NTRK2: variants seen among roughly 807,000 people sequenced by gnomAD.
NTRK2 encodes BDNF/NT-3 growth factors receptor.
NTRK2 carries 13 observed loss-of-function variants against 94.5 expected under a neutral mutation model. The ratio of observed to expected loss-of-function variants is 0.14; its 90% CI spans 0.09 to 0.22. NTRK2 has a LOEUF of 0.22. NTRK2 is among the 10% of genes least tolerant of loss of function. NTRK2 has a pLI of 1.00. For missense variants in NTRK2, 639 were observed against 1,071.2 expected, an observed-to-expected ratio of 0.60 and a Z score of 5.63; for synonymous variants, 372 against 407.4, an observed-to-expected ratio of 0.91 and a Z score of 1.05.
At chr9:84,809,027 A>G (rs1014619698) in intron 12 of NTRK2, among the ~76,000 whole-genome samples, 2 of 152,240 alleles carry the variant, frequency 1.3e-5, no homozygotes, top group African/African-American at 4.8e-5. Context: ...TTATGGATCT[A>G]ATAAAGATTC....
rs144115769 is a variant in NTRK2, at chr9:84,870,247, T to C, written c.1633+2816T>C. Among the ~76,000 whole-genome samples, 582 of 140,744 alleles carry C rather than the reference T, an allele frequency of 4.1e-3. 19 individuals carry two copies. Among genetic ancestry groups the C allele is most frequent in the Admixed American group, 0.034 (472 of 14,008 alleles). 92.3% of individuals were successfully genotyped at this position (140,744 alleles called of 152,430 possible). On this transcript the variant is annotated intron_variant, in intron 14 of 18. Coordinates refer to ENST00000277120, the MANE Select transcript of NTRK2 (RefSeq NM_006180.6). Reference sequence around the variant, plus strand: ...AGGTATGTGTACATATATAAGTATATGTACACATACCTATATGCACACATA... The same window carrying C: ...AGGTATGTGTACATATATAAGTATACGTACACATACCTATATGCACACATA...
intron 8 of NTRK2, among the ~76,000 whole-genome samples, chr9:84,726,634 C>T (rs951220420): frequency 1.3e-5 from 2 of 152,262 alleles, no homozygotes; most frequent in East Asian, 1.9e-4. Context: ...GAAGCAGTGC[C>T]TGAGAGGGAA....
At chr9:85,002,115 C>T (rs1056090963) in intron 17 of NTRK2, among the ~76,000 whole-genome samples, 2 of 152,190 alleles carry the variant, frequency 1.3e-5, no homozygotes. Flanking sequence ...GGTAGTCAGG[C>T]ACTATTCCCC....
At chr9:84,772,508 A>G (rs1345080969) in intron 12 of NTRK2, among the ~76,000 whole-genome samples, 1 of 152,098 alleles carries the variant, frequency 6.6e-6, no homozygotes, top group Admixed American at 6.6e-5. Flanking sequence ...TCGGCCTCCC[A>G]AGGTGCTGAT....
At chr9:84,866,098 A>G (rs2075580718) in intron 13 of NTRK2, among the ~76,000 whole-genome samples, 1 of 152,244 alleles carries the variant, frequency 6.6e-6, no homozygotes, top group Non-Finnish European at 1.5e-5. Flanking sequence ...AGTTATGACT[A>G]TAAATAGTAT....
At chr9:84,805,803 G>C (rs1036926325) in intron 12 of NTRK2, among the ~76,000 whole-genome samples, 1 of 152,302 alleles carries the variant, frequency 6.6e-6, no homozygotes. Context: ...ACAGGAGTGG[G>C]ACTGGTGGCT....
chr9:84,923,638 G>A (rs1463261706), intron 14 of NTRK2, among the ~76,000 whole-genome samples: 1 of 152,064 alleles, frequency 6.6e-6, no homozygotes, highest in African/African-American at 2.4e-5. Context: ...TAGTAGCAGC[G>A]TGGTGTGGTG....
chr9:84,891,175 C>T (rs1047590814), intron 14 of NTRK2, among the ~76,000 whole-genome samples: 3 of 151,924 alleles, frequency 2.0e-5, no homozygotes, highest in African/African-American at 7.3e-5. Flanking sequence ...AGCCAAGGGC[C>T]CCAGTTCTCA....
At chr9:84,757,431 A>G (rs1238546882) in intron 12 of NTRK2, among the ~76,000 whole-genome samples, 3 of 152,162 alleles carry the variant, frequency 2.0e-5, no homozygotes, top group Non-Finnish European at 1.5e-5. Flanking sequence ...GGGGGTAACA[A>G]TTTGCCTTGC....
chr9:84,955,601 A>G, intron 17 of NTRK2, 84 bp downstream of exon 17: 1 of 1,115,020 alleles, frequency 9.0e-7, no homozygotes. Context: ...GGCTGTCATA[A>G]CAAAATATCA....
At chr9:84,811,871 G>A (rs199649986) in intron 12 of NTRK2, 1 of 1,064,594 alleles carries the variant, frequency 9.4e-7, no homozygotes, top group Non-Finnish European at 1.1e-6. Context: ...TCTGTGTCAG[G>A]CAGTATGCTT....
In NTRK2 at chr9:85,014,361, T is replaced by G. The variant is rs537834320; in HGVS notation, c.2173-5845T>G. ...CCACGTATACCTGGAAAACGAGTGG[T>G]GCATTCCTCGTTAACGTGTGCCAAG... On this transcript the variant is annotated intron_variant, in intron 17 of 18. Transcript: ENST00000277120. 2.9e-4 allele frequency among the ~76,000 whole-genome samples: 44 copies of G among 152,296 alleles called. 1 individual carries two copies. The East Asian group carries it at 8.3e-3, about 29-fold the overall frequency.
chr9:84,971,083 A>T (rs1195974287), intron 17 of NTRK2, among the ~76,000 whole-genome samples: 2 of 152,238 alleles, frequency 1.3e-5, no homozygotes, highest in Non-Finnish European at 2.9e-5. Flanking sequence ...ACATAGATTC[A>T]TTTAAAACAG....
chr9:84,921,088 G>C (rs2077551585), intron 14 of NTRK2, among the ~76,000 whole-genome samples: 1 of 152,218 alleles, frequency 6.6e-6, no homozygotes, highest in Non-Finnish European at 1.5e-5. Context: ...TCTCCCAGGA[G>C]AAGGGACTTC....
chr9:84,955,659 GGCTGGAAGTCCAA>G, intron 17 of NTRK2, 142 bp downstream of exon 17: 1 of 778,076 alleles, frequency 1.3e-6, no homozygotes, highest in Non-Finnish European at 2.2e-6. Flanking sequence ...TGGCTCTGGA[GGCTGGAAGTCCAA>G]GCTCAAGGTG....
rs1300765357 is a variant in NTRK2, at chr9:84,797,561, CTATATATTA to C, written c.1396+45492_1396+45500del. 6.7e-3 allele frequency among the ~76,000 whole-genome samples: 368 copies of C among 54,870 alleles called. 25 individuals are homozygous for C. The highest frequency in any genetic ancestry group is 0.033 in the African/African-American group (351 of 10,772). The allele number at this position is 54,870 out of a possible 152,430, so 36.0% of individuals were successfully genotyped here. On this transcript the variant is annotated intron_variant, in intron 12 of 18. Transcript: ENST00000277120. ...ATATATAATATATATATTATATATA[CTATATATTA>C]TATATATTATATATACTATATATAC...
At chr9:85,014,004 T>C (rs1831934760) in intron 17 of NTRK2, among the ~76,000 whole-genome samples, 1 of 152,234 alleles carries the variant, frequency 6.6e-6, no homozygotes, top group African/African-American at 2.4e-5. Flanking sequence ...GCATTTGCTT[T>C]GGGTCTGTGG....
chr9:84,912,794 T>C (rs2132502638), intron 14 of NTRK2, among the ~76,000 whole-genome samples: 1 of 151,974 alleles, frequency 6.6e-6, no homozygotes, highest in Non-Finnish European at 1.5e-5. Flanking sequence ...ATTTTTGTAT[T>C]TTTAGTAGAG....
intron 17 of NTRK2, among the ~76,000 whole-genome samples, chr9:85,010,524 T>C (rs1831449279): frequency 6.6e-6 from 1 of 152,200 alleles, no homozygotes; most frequent in South Asian, 2.1e-4. Flanking sequence ...CAACTTCCCA[T>C]TGCTGAGTGA....
Sources: allele counts gnomAD v4.1 joint callset (sites outside exome capture counted in the v4.1 genomes callset), GRCh38; gene constraint gnomAD v4.1.1; transcripts MANE v1.5; gene names NCBI Gene and HGNC (gene_info 2026-07-23, HGNC 2026-07-21).